The following ARHGEF11 variants were observed in gnomAD, a reference collection of about 807,000 sequenced individuals.
ARHGEF11 encodes the protein Rho guanine nucleotide exchange factor 11.
Under a neutral mutation model 193.7 loss-of-function variants are expected in ARHGEF11, and 55 were observed. The ratio of observed to expected loss-of-function variants is 0.28; its 90% confidence interval spans 0.23 to 0.36. The LOEUF (loss-of-function observed/expected upper bound fraction) is 0.36, where lower values mean the gene tolerates loss of function less well. Ranked by LOEUF, ARHGEF11 falls within the 10% of genes least tolerant of loss-of-function variation. The pLI is 1.00. For missense variants in ARHGEF11, 1,723 were observed against 2,005.6 expected (o/e 0.86, Z 2.69); for synonymous variants, 693 against 768.0 (o/e 0.90, Z 1.62).
At chr1:157,035,885 ATATATAGGAATATATATATATGAAT>A (rs774866333) in intron 1 of ARHGEF11, among the ~76,000 whole-genome samples, 57,278 of 129,748 alleles carry the variant, frequency 0.44, 16,965 homozygotes, top group Non-Finnish European at 0.47. Context: ...ATATAGGAAT[ATATATAGGAATATATATATATGAAT>A]CTATATATAG....
At chr1:157,027,546 G>T (rs544617024) in intron 1 of ARHGEF11, among the ~76,000 whole-genome samples, 1 of 152,308 alleles carries the variant, frequency 6.6e-6, no homozygotes, top group Admixed American at 6.5e-5. Flanking sequence ...AGTTAATAAG[G>T]TAAGACCTCA....
chr1:156,993,874 A>T lies in ARHGEF11; in HGVS notation c.33-7701T>A, dbSNP rs572240918. ...CATCTCTTAAACTAGAGAATAGACA[A>T]ATGGTCTCTGGCAGTGCACCAGAGA... On this transcript the variant is annotated intron_variant, in intron 1 of 40. Coordinates refer to ENST00000368194, the MANE Select transcript of ARHGEF11 (RefSeq NM_198236.3). Among the ~76,000 whole-genome samples, 108 of 152,258 alleles carry T rather than the reference A, an allele frequency of 7.1e-4. 4 individuals are homozygous for T. The highest frequency in any genetic ancestry group is 3.9e-4 in the East Asian group (2 of 5,190).
intron 11 of ARHGEF11, chr1:156,967,770 C>G: frequency 3.2e-6 from 2 of 626,866 alleles, no homozygotes; most frequent in Non-Finnish European, 5.6e-6. Flanking sequence ...CACCCACTCT[C>G]CACATAGAAA....
At chr1:156,949,400 A>G (rs1055707545) in intron 22 of ARHGEF11, among the ~76,000 whole-genome samples, 3 of 152,040 alleles carry the variant, frequency 2.0e-5, no homozygotes, top group Admixed American at 2.0e-4. Flanking sequence ...ATTATTAGTA[A>G]TCTACATCCT....
At position 156,937,030 on chromosome 1, in the gene ARHGEF11, C is replaced by T; in HGVS notation, c.4441-25G>A. 1.9e-6 allele frequency: 3 copies of T among 1,607,012 alleles called. No individual in the cohort carries two copies. In the South Asian group the frequency reaches 3.3e-5, roughly 18 times the overall value. On this transcript the variant is annotated intron_variant, in intron 39 of 40. Coordinates refer to ENST00000368194, the MANE Select transcript of ARHGEF11 (RefSeq NM_198236.3). Reference sequence around the variant, plus strand: ...CCTGGAAGAGTCGGCGGGGGAATGTCTGCTCGAGTCCTTCTATTCCTAAGG... The same window carrying T: ...CCTGGAAGAGTCGGCGGGGGAATGTTTGCTCGAGTCCTTCTATTCCTAAGG...
At chr1:156,936,312 C>A in intron 40 of ARHGEF11, 1 of 656,178 alleles carries the variant, frequency 1.5e-6, no homozygotes, top group Non-Finnish European at 2.9e-6. Flanking sequence ...CCTGGCCCAC[C>A]CAGTGTGGTT....
In ARHGEF11 at chr1:156,948,311, C is replaced by T. The variant is rs753529456; in HGVS notation, c.2105+8G>A. 1.4e-5 allele frequency: 23 copies of T among 1,613,550 alleles called. No homozygotes were observed. The African/African-American group carries it at 2.3e-4, about 16-fold the overall frequency. ...GTCCATGGGTGCAGCCGTTGTAGCC[C>T]TGCCCACCTGGTGGAGAGGCTGGAG... On this transcript the variant is annotated splice_region_variant and intron_variant, in intron 23 of 40. Transcript: ENST00000368194. This position sits in a 1 kb window ranked among gnomAD's most constrained non-coding sequence, Gnocchi z 4.2.
intron 21 of ARHGEF11, among the ~76,000 whole-genome samples, chr1:156,952,696 T>G (rs1401792880): frequency 6.6e-6 from 1 of 152,266 alleles, no homozygotes; most frequent in Non-Finnish European, 1.5e-5. Flanking sequence ...ATTTAGCTGC[T>G]GTCTTCACAG....
intron 1 of ARHGEF11, among the ~76,000 whole-genome samples, chr1:157,043,214 C>A (rs532410300): frequency 1.7e-4 from 26 of 152,274 alleles, no homozygotes; most frequent in African/African-American, 6.0e-4. Flanking sequence ...TGCTCCCTTG[C>A]AAATATTCTT....
At position 156,990,121 on chromosome 1, in the gene ARHGEF11, G is replaced by A. The variant is rs6698630; in HGVS notation, c.33-3948C>T. Among the ~76,000 whole-genome samples, 398 of 152,176 alleles carry A rather than the reference G, an allele frequency of 2.6e-3. 3 individuals are homozygous for A. The highest frequency in any genetic ancestry group is 9.0e-3 in the African/African-American group (375 of 41,508). ...ATCAAAGATCTCGAATTATACTTAC[G>A]TCCTGTCTCTCAGATTAATTTGATC... On this transcript the variant is annotated intron_variant, in intron 1 of 40. Transcript: ENST00000368194.
chr1:156,963,264 C>T lies in ARHGEF11; in HGVS notation c.1079G>A (p.Arg360Gln), dbSNP rs754478298. ...TAGAAAAACCCCCAGGTGAGCTGGC[C>T]GAGACTTCAGTTTCTCCAGATCCTG... Reference protein sequence around the residue: ...IFQDLEKLKSRPAHLGVFLRY... With the variant: ...IFQDLEKLKSQPAHLGVFLRY... Residue 360 changes from arginine (R) to glutamine (Q), a missense_variant, in exon 13 of 41, where the codon CGG (arginine) becomes CAG (glutamine). By Grantham distance (43) the Arg-to-Gln change is conservative. Coordinates refer to ENST00000368194, the MANE Select transcript of ARHGEF11 (RefSeq NM_198236.3). The T allele has an allele frequency of 1.3e-5, 21 of 1,614,004 alleles. No homozygotes were observed. The highest frequency in any genetic ancestry group is 1.6e-4 in the Middle Eastern group (1 of 6,084).
intron 19 of ARHGEF11, 132 bp from the exon 20 acceptor site, chr1:156,955,931 TAACA>T (rs971770228): frequency 1.2e-5 from 9 of 744,362 alleles, no homozygotes; most frequent in African/African-American, 1.2e-4. Context: ...GCTGGTACCC[TAACA>T]AGCATGTTCG....
intron 18 of ARHGEF11, among the ~76,000 whole-genome samples, chr1:156,957,173 C>T (rs909793270): frequency 6.6e-6 from 1 of 152,284 alleles, no homozygotes; most frequent in South Asian, 2.1e-4. Flanking sequence ...TGGATGATGA[C>T]CCACTCTATG....
At chr1:156,974,490 T>A (rs559642095) in intron 7 of ARHGEF11, among the ~76,000 whole-genome samples, 1 of 152,338 alleles carries the variant, frequency 6.6e-6, no homozygotes, top group East Asian at 1.9e-4. Flanking sequence ...AGCATTAAAA[T>A]TTTTTTAAAT....
chr1:157,030,378 C>T (rs1017213754), intron 1 of ARHGEF11, among the ~76,000 whole-genome samples: 4 of 152,106 alleles, frequency 2.6e-5, no homozygotes, highest in Admixed American at 1.3e-4. Context: ...TGCCACTCTC[C>T]CCACCATTAA....
At chr1:156,997,503 G>A (rs1454497791) in intron 1 of ARHGEF11, among the ~76,000 whole-genome samples, 1 of 152,202 alleles carries the variant, frequency 6.6e-6, no homozygotes, top group Non-Finnish European at 1.5e-5. Context: ...TGGAGGCCCA[G>A]ACACCAGCTG....
intron 1 of ARHGEF11, among the ~76,000 whole-genome samples, chr1:157,006,473 A>G (rs1667836453): frequency 2.5e-4 from 1 of 4,080 alleles, no homozygotes; most frequent in Non-Finnish European, 0.012. Context: ...GATGTATTCC[A>G]CCAAAAGCAC....
At position 156,937,431 on chromosome 1, in the gene ARHGEF11, G is replaced by A. The variant is rs1481908779; in HGVS notation, c.4258C>T (p.Pro1420Ser). The A allele has an allele frequency of 6.4e-7, 1 of 1,571,348 alleles. No individual in the cohort carries two copies. The highest frequency in any genetic ancestry group is 2.2e-5 in the East Asian group (1 of 44,462). The part of the protein sequence containing the change: ...PDSSTDHSEA[P>S]MSPPQPDSLP... Reference sequence around the variant, plus strand: ...CTGTCAGGCTGAGGGGGGCTCATGGGTGCCTCTGAGTGGTCGGTGCTTGAG... The same window carrying A: ...CTGTCAGGCTGAGGGGGGCTCATGGATGCCTCTGAGTGGTCGGTGCTTGAG... The change falls in exon 39 of 41, where the codon CCC (proline) becomes TCC (serine). Residue 1420 changes from proline to serine, a missense_variant. Pro to Ser is a moderately conservative substitution (Grantham distance 74). Transcript: ENST00000368194.
At chr1:156,939,211 G>A (rs776209554) in intron 37 of ARHGEF11, 62 of 319,978 alleles carry the variant, frequency 1.9e-4, no homozygotes, top group Middle Eastern at 2.1e-3. Context: ...GGGAACAGGA[G>A]ATCAGTGAGG....
Sources: gnomAD v4.1 joint callset for allele counts (sites outside exome capture counted in the v4.1 genomes callset) on GRCh38, gnomAD v4.1.1 for gene constraint, Gnocchi (gnomAD v3.1) non-coding constraint, MANE v1.5 for transcripts, NCBI Gene and HGNC (gene_info 2026-07-23, HGNC 2026-07-21) for gene names.